PUS10: variants seen among roughly 807,000 people sequenced by gnomAD.
The protein encoded by PUS10 is tRNA pseudouridine synthase Pus10.
A neutral mutation model predicts 75.0 loss-of-function variants in PUS10; 59 were observed. That is an observed-to-expected ratio of 0.79 (90% CI 0.64 to 0.98). The LOEUF (loss-of-function observed/expected upper bound fraction) is 0.98. Among genes scored for constraint, PUS10 ranks in the 50% least tolerant of loss-of-function variants. The pLI is 0.00. For missense variants in PUS10, 650 were observed against 614.4 expected (o/e 1.06, Z -0.61); for synonymous variants, 219 against 211.6 (o/e 1.03, Z -0.30).
chr2:60,962,581 A>C (rs1676094576), intron 9 of PUS10, among the ~76,000 whole-genome samples: 1 of 152,050 alleles, frequency 6.6e-6, no homozygotes, highest in South Asian at 2.1e-4. Flanking sequence ...TCTCAAAAAA[A>C]TAAATAAATA....
Position 61,016,308 on chromosome 2 carries a change from C to A in PUS10, c.-16+1700G>T, listed in dbSNP as rs78834384. Reference sequence around the variant, plus strand: ...AATAAACGAGCTATGAATTTACAAACCTCTCAACATCATTTTCACCTACCA... The same window carrying A: ...AATAAACGAGCTATGAATTTACAAAACTCTCAACATCATTTTCACCTACCA... On this transcript the variant is annotated intron_variant, in intron 1 of 17. Coordinates refer to ENST00000316752, the MANE Select transcript of PUS10 (RefSeq NM_144709.4). Among the ~76,000 whole-genome samples the A allele has an allele frequency of 2.7e-3, 406 of 152,292 alleles. 1 individual carries two copies. The highest frequency in any genetic ancestry group is 9.4e-3 in the African/African-American group (391 of 41,560).
At chr2:60,959,493 C>T (rs1027742469) in intron 11 of PUS10, among the ~76,000 whole-genome samples, 9 of 152,166 alleles carry the variant, frequency 5.9e-5, no homozygotes, top group African/African-American at 9.7e-5. Flanking sequence ...TGGGTTCAAG[C>T]GATTCGTGCC....
chr2:60,975,441 A>G (rs572411170), intron 4 of PUS10, among the ~76,000 whole-genome samples: 60 of 152,216 alleles, frequency 3.9e-4, no homozygotes, highest in African/African-American at 1.4e-3. Flanking sequence ...CACTGCACCC[A>G]GACAGTATCA....
intron 5 of PUS10, among the ~76,000 whole-genome samples, chr2:60,970,241 T>A (rs1676575432): frequency 6.6e-6 from 1 of 152,238 alleles, no homozygotes; most frequent in African/African-American, 2.4e-5. Flanking sequence ...CATTTGAGAC[T>A]AATTTAATAA....
At chr2:61,013,254 A>G (rs1343710402) in intron 1 of PUS10, among the ~76,000 whole-genome samples, 1 of 146,676 alleles carries the variant, frequency 6.8e-6, no homozygotes, top group Non-Finnish European at 1.5e-5. Flanking sequence ...CCTTGTCTCT[A>G]AAAAGAAACA....
chr2:60,954,994 C>T, intron 12 of PUS10, 24 bp downstream of exon 12: 1 of 1,467,388 alleles, frequency 6.8e-7, no homozygotes, highest in Non-Finnish European at 9.4e-7. Context: ...TAGTTCTAAT[C>T]AGGTGATGCT....
At chr2:61,002,867 C>T (rs1284032436) in intron 4 of PUS10, among the ~76,000 whole-genome samples, 1 of 152,100 alleles carries the variant, frequency 6.6e-6, no homozygotes, top group East Asian at 1.9e-4. Context: ...CACAACTTTC[C>T]ATATTGTTCT....
chr2:60,947,828 CAAAAAAAAAA>C (rs890632119), intron 16 of PUS10, among the ~76,000 whole-genome samples: 104 of 46,074 alleles, frequency 2.3e-3, no homozygotes, highest in African/African-American at 7.6e-3. Context: ...GACTCTGCCT[CAAAAAAAAAA>C]AAAAAAAAAA....
At chr2:61,008,077 CAA>C (rs57458107) in intron 3 of PUS10, among the ~76,000 whole-genome samples, 35 of 108,126 alleles carry the variant, frequency 3.2e-4, no homozygotes, top group South Asian at 2.9e-4. Context: ...ACTCTGTCTC[CAA>C]AAAAAAAAAA....
At chr2:60,966,226 TGC>T in intron 6 of PUS10, 1 of 151,666 alleles carries the variant, frequency 6.6e-6, no homozygotes, top group East Asian at 1.9e-4. Flanking sequence ...AAAAAAAAAA[TGC>T]TATAATGAAC....
rs1243439038 is a variant in PUS10, at chr2:60,955,008, G to T, written c.1057+10C>A. On this transcript the variant is annotated intron_variant, in intron 12 of 17. Transcript: ENST00000316752. ...TTAGTTCTAATCAGGTGATGCTGTT[G>T]CAGTCTTACCATTTCCTAATGTTCT... The T allele has an allele frequency of 1.3e-6, 2 of 1,539,584 alleles. No homozygotes were observed. The highest frequency in any genetic ancestry group is 1.8e-6 in the Non-Finnish European group (2 of 1,125,932).
At chr2:60,987,209 T>C (rs78509290) in intron 4 of PUS10, among the ~76,000 whole-genome samples, 3,312 of 152,294 alleles carry the variant, frequency 0.022, 48 homozygotes, top group Non-Finnish European at 0.032. Context: ...GAATGCTTGT[T>C]AACAGGTGTG....
intron 17 of PUS10, among the ~76,000 whole-genome samples, chr2:60,942,770 C>A (rs1196880872): frequency 6.6e-6 from 1 of 151,858 alleles, no homozygotes; most frequent in South Asian, 2.1e-4. Flanking sequence ...TTTGGGAGGC[C>A]GATCAATTAT....
At position 60,975,506 on chromosome 2, in the gene PUS10, C is replaced by T. The variant is rs139618498; in HGVS notation, c.469-3949G>A. ...TCAGAAAACCTAACTTTAGGTTTTA[C>T]TTAATTTCTGGGACTCAACTTTCTA... On this transcript the variant is annotated intron_variant, in intron 4 of 17. Transcript: ENST00000316752. Among the ~76,000 whole-genome samples the T allele has an allele frequency of 1.5e-3, 227 of 152,076 alleles. 1 individual carries two copies. The highest frequency in any genetic ancestry group is 2.5e-3 in the Non-Finnish European group (171 of 67,976).
chr2:61,015,646 C>T (rs1177229), intron 1 of PUS10, among the ~76,000 whole-genome samples: 26,061 of 152,076 alleles, frequency 0.17, 2,570 homozygotes, highest in Non-Finnish European at 0.22. Flanking sequence ...TTGCAGAGAG[C>T]CAAAATCGTG....
chr2:60,965,279 A>G (rs1676267147), intron 7 of PUS10, 144 bp downstream of exon 7: 1 of 996,528 alleles, frequency 1.0e-6, no homozygotes, highest in African/African-American at 1.6e-5. Context: ...GACACATTTT[A>G]TTTTTTTGAG....
intron 3 of PUS10, among the ~76,000 whole-genome samples, chr2:61,007,226 TTTA>T (rs1679273318): frequency 1.1e-5 from 1 of 87,312 alleles, no homozygotes; most frequent in South Asian, 2.6e-4. Flanking sequence ...TTTTTTTTTT[TTTA>T]AAAAAAAGAA....
intron 4 of PUS10, among the ~76,000 whole-genome samples, chr2:60,988,468 AC>A (rs917824094): frequency 4.6e-5 from 7 of 152,236 alleles, no homozygotes; most frequent in African/African-American, 9.6e-5. Context: ...TGAAAAAAAA[AC>A]AATATAGTAC....
intron 15 of PUS10, among the ~76,000 whole-genome samples, 181 bp downstream of exon 15, chr2:60,952,815 CA>C (rs1371771726): frequency 2.0e-5 from 3 of 152,316 alleles, no homozygotes; most frequent in African/African-American, 7.2e-5. Context: ...GCTGCCGCTC[CA>C]GGGGGTTAGA....
Sources: gnomAD v4.1 joint callset for allele counts (sites outside exome capture counted in the v4.1 genomes callset) on GRCh38, gnomAD v4.1.1 for gene constraint, MANE v1.5 for transcripts, NCBI Gene and HGNC (gene_info 2026-07-23, HGNC 2026-07-21) for gene names.